Variants in NECTIN2 observed in about 807,000 individuals in gnomAD.
NECTIN2 encodes nectin-2.
In NECTIN2, 23 loss-of-function variants were observed where a neutral mutation model predicts 56.9. That is an observed-to-expected ratio of 0.40 (90% CI 0.29 to 0.57). The LOEUF (loss-of-function observed/expected upper bound fraction) is 0.57. Ranked by LOEUF, NECTIN2 falls within the 20% of genes least tolerant of loss-of-function variation. The pLI, the probability that NECTIN2 is intolerant of heterozygous loss-of-function variation, is 0.38. For synonymous variants in NECTIN2, 302 were observed against 313.8 expected (o/e 0.96, Z 0.40); for missense variants, 587 against 718.3 (o/e 0.82, Z 2.09).
rs538577391 is a variant in NECTIN2 at position 44,884,719 on chromosome 19, G to A, written c.1197-1218G>A. 9.0e-4 allele frequency among the ~76,000 whole-genome samples: 137 copies of A among 152,272 alleles called. 1 individual carries two copies. Among genetic ancestry groups the A allele is most frequent in the Admixed American group, 1.7e-3 (26 of 15,290 alleles). On this transcript the variant is annotated intron_variant, in intron 6 of 8. Coordinates refer to ENST00000252483, the MANE Select transcript of NECTIN2 (RefSeq NM_001042724.2). ...GTTGAGCAAGCTCTGAGAAGCCAGA[G>A]GGGGCATCTGACCCAGGCTGGATGG...
At chr19:44,869,388 T>C (rs1298457649) in intron 2 of NECTIN2, among the ~76,000 whole-genome samples, 2 of 151,662 alleles carry the variant, frequency 1.3e-5, no homozygotes, top group Admixed American at 6.6e-5. Flanking sequence ...GTCAGGAGAT[T>C]GAGACCATCC....
At position 44,888,555 on chromosome 19, in the gene NECTIN2, T is replaced by C. The variant is rs1412922010; in HGVS notation, c.*176T>C. ...CCCCTAACCCATGAGCCCAGAGAAA[T>C]TCACCGTGATAATGGAATCCTGGCA... On this transcript the variant is annotated 3_prime_UTR_variant, in exon 9 of 9. Transcript: ENST00000252483. 2 of 676,332 alleles carry C rather than the reference T, an allele frequency of 3.0e-6. No homozygotes were observed. Among genetic ancestry groups the C allele is most frequent in the Non-Finnish European group, 4.9e-6 (2 of 409,412 alleles). The allele number at this position is 676,332 out of a possible 1,614,324, so 41.9% of individuals were successfully genotyped here.
chr19:44,878,510 G>A, intron 5 of NECTIN2: 2 of 1,614,106 alleles, frequency 1.2e-6, no homozygotes, highest in Non-Finnish European at 1.7e-6. Context: ...GGAGGAGGAG[G>A]AAGAGAAGGC....
At position 44,875,289 on chromosome 19, in the gene NECTIN2, G is replaced by A. The variant is rs1390339220; in HGVS notation, c.1042+811G>A. On this transcript the variant is annotated intron_variant, in intron 5 of 8. Coordinates refer to ENST00000252483, the MANE Select transcript of NECTIN2 (RefSeq NM_001042724.2). This position sits in a 1 kb window ranked among gnomAD's most constrained non-coding sequence, Gnocchi z 4.2. ...CATTCTTTTTTTTTTTTTTTGAGAT[G>A]GAGTCTCGCTCTGTCGCCCAGGCTG... Among the ~76,000 whole-genome samples, 1 of 146,582 alleles carries A rather than the reference G, an allele frequency of 6.8e-6. No individual in the cohort carries two copies. The highest frequency in any genetic ancestry group is 2.0e-4 in the East Asian group (1 of 4,910).
chr19:44,867,916 A>G (rs1969120937), intron 2 of NECTIN2, among the ~76,000 whole-genome samples: 1 of 152,142 alleles, frequency 6.6e-6, no homozygotes, highest in East Asian at 1.9e-4. Flanking sequence ...GGACGGAGGT[A>G]GAAGGGAGCT....
chr19:44,852,002 C>T (rs1232496926), intron 1 of NECTIN2, among the ~76,000 whole-genome samples: 1 of 152,216 alleles, frequency 6.6e-6, no homozygotes, highest in Non-Finnish European at 1.5e-5. Context: ...CTTTCCCATT[C>T]CAAGTTCTGA....
intron 6 of NECTIN2, among the ~76,000 whole-genome samples, chr19:44,885,154 G>A (rs1354430776): frequency 7.3e-5 from 11 of 151,460 alleles, no homozygotes; most frequent in Non-Finnish European, 4.4e-5. Flanking sequence ...GCGCCACCAC[G>A]CCCGGCTAAT....
chr19:44,869,118 T>G (rs1049728431), intron 2 of NECTIN2, among the ~76,000 whole-genome samples: 2 of 151,834 alleles, frequency 1.3e-5, no homozygotes, highest in Non-Finnish European at 2.9e-5. Flanking sequence ...AAAGGACAGC[T>G]CTTCTCCTCC....
chr19:44,865,130 TGGAATCAGGA>T lies in NECTIN2; in HGVS notation c.89-140_89-131del. The stretch of plus-strand genomic sequence containing the variant: ...AAATGTCTTTTCCAGGTGGCTTTTT[TGGAATCAGGA>T]TGCTGCGAAGCTGCCTACGTTGCAT... On this transcript the variant is annotated intron_variant, in intron 1 of 8. Coordinates refer to ENST00000252483, the MANE Select transcript of NECTIN2 (RefSeq NM_001042724.2). The surrounding 1 kb of genome is among the most constrained non-coding windows in gnomAD (Gnocchi z 5.2). The T allele has an allele frequency of 1.1e-6, 1 of 885,654 alleles. No individual in the cohort carries two copies. The highest frequency in any genetic ancestry group is 1.7e-5 in the African/African-American group (1 of 59,858). 54.9% of individuals were successfully genotyped at this position (885,654 alleles called of 1,614,324 possible).
At chr19:44,871,829 CA>C (rs1360920629) in intron 2 of NECTIN2, 23 bp from the exon 3 acceptor site, 3 of 1,604,124 alleles carry the variant, frequency 1.9e-6, no homozygotes, top group Non-Finnish European at 2.6e-6. Flanking sequence ...AGGAGTGACG[CA>C]CCCCCTCTCC....
At chr19:44,857,949 AAG>A (rs1200821161) in intron 1 of NECTIN2, among the ~76,000 whole-genome samples, 1 of 152,198 alleles carries the variant, frequency 6.6e-6, no homozygotes, top group Non-Finnish European at 1.5e-5. Context: ...CTCAGAAAAA[AAG>A]ATAACAGAAG....
At chr19:44,878,492 G>A (rs1383302075) in intron 5 of NECTIN2, 7 of 1,510,024 alleles carry the variant, frequency 4.6e-6, no homozygotes, top group Admixed American at 3.7e-5. Flanking sequence ...TGGCAAGGAT[G>A]AGGAGGAGGA....
chr19:44,886,037 T>C (rs760264900), intron 7 of NECTIN2, 37 bp downstream of exon 7: 1 of 1,577,444 alleles, frequency 6.3e-7, no homozygotes, highest in South Asian at 1.1e-5. Flanking sequence ...TATCCCCACC[T>C]CCACACCCAC....
chr19:44,874,594 A>G lies in NECTIN2; in HGVS notation c.1042+116A>G, dbSNP rs1190979912. On this transcript the variant is annotated intron_variant, in intron 5 of 8. Coordinates refer to ENST00000252483, the MANE Select transcript of NECTIN2 (RefSeq NM_001042724.2). This position sits in a 1 kb window ranked among gnomAD's most constrained non-coding sequence, Gnocchi z 6.3. Reference sequence around the variant, plus strand: ...TGCGCCGCCGACCTGGGAGGGATGCAGACCTGCCTGGCTGAGGGGAGATGA... The same window carrying G: ...TGCGCCGCCGACCTGGGAGGGATGCGGACCTGCCTGGCTGAGGGGAGATGA... 1.5e-6 allele frequency: 2 copies of G among 1,332,706 alleles called. No individual in the cohort carries two copies. Among genetic ancestry groups the G allele is most frequent in the Non-Finnish European group, 2.1e-6 (2 of 964,556 alleles). The allele number at this position is 1,332,706 out of a possible 1,614,324, so 82.6% of individuals were successfully genotyped here. A position where few individuals can be genotyped will look rare whatever the true frequency, so the allele number is the denominator to read the frequency against.
intron 1 of NECTIN2, among the ~76,000 whole-genome samples, chr19:44,863,822 A>G (rs1463923094): frequency 2.0e-5 from 3 of 148,382 alleles, no homozygotes; most frequent in Non-Finnish European, 4.5e-5. Flanking sequence ...AGCCTGGGCA[A>G]CAGAGCGAGA....
Position 44,888,567 on chromosome 19 carries a change from A to G in NECTIN2, c.*188A>G. On this transcript the variant is annotated 3_prime_UTR_variant, in exon 9 of 9. Coordinates refer to ENST00000252483, the MANE Select transcript of NECTIN2 (RefSeq NM_001042724.2). ...GAGCCCAGAGAAATTCACCGTGATAATGGAATCCTGGCAACCTTATCTCAT... is the reference window on the plus strand; with the variant it reads ...GAGCCCAGAGAAATTCACCGTGATAGTGGAATCCTGGCAACCTTATCTCAT... 1 of 647,784 alleles carries G rather than the reference A, an allele frequency of 1.5e-6. No homozygotes were observed. Among genetic ancestry groups the G allele is most frequent in the Non-Finnish European group, 2.6e-6 (1 of 385,760 alleles). The allele number at this position is 647,784 out of a possible 1,614,324, so 40.1% of individuals were successfully genotyped here.
chr19:44,866,074 A>G (rs1029697685), intron 2 of NECTIN2, among the ~76,000 whole-genome samples: 4 of 151,976 alleles, frequency 2.6e-5, no homozygotes, highest in Admixed American at 2.0e-4. Flanking sequence ...CAGGAGGCTG[A>G]GTCAGGAGAA....
Position 44,886,001 on chromosome 19 carries a change from G to T in NECTIN2, c.1260+1G>T. ...AGCGAAGCTGGAGGCACAGGAGATG[G>T]TGAGCACTTTCCCTGGAGCCCAAGC... On this transcript the variant is annotated splice_donor_variant, in intron 7 of 8. Coordinates refer to ENST00000252483, the MANE Select transcript of NECTIN2 (RefSeq NM_001042724.2). LOFTEE classifies it high-confidence loss of function. 3 of 1,600,642 alleles carry T rather than the reference G, an allele frequency of 1.9e-6. No individual in the cohort carries two copies. The South Asian group carries it at 3.3e-5, about 18-fold the overall frequency.
intron 2 of NECTIN2, among the ~76,000 whole-genome samples, chr19:44,867,962 C>T (rs920591974): frequency 2.0e-5 from 3 of 151,854 alleles, no homozygotes; most frequent in African/African-American, 4.8e-5. Flanking sequence ...GCTGGGAAGA[C>T]GGATGAGGCA....
Sources: gnomAD v4.1 joint callset for allele counts (sites outside exome capture counted in the v4.1 genomes callset) on GRCh38, gnomAD v4.1.1 for gene constraint, Gnocchi (gnomAD v3.1) non-coding constraint, MANE v1.5 for transcripts, NCBI Gene and HGNC (gene_info 2026-07-23, HGNC 2026-07-21) for gene names.